SLC35E2B: variants seen among roughly 807,000 people sequenced by gnomAD.
SLC35E2B encodes solute carrier family 35, member E2B.
SLC35E2B carries 18 observed loss-of-function variants against 32.4 expected under a neutral mutation model. That is an observed-to-expected ratio of 0.56 (90% confidence interval 0.38 to 0.82). The LOEUF is 0.82. Among genes scored for constraint, SLC35E2B ranks in the 40% least tolerant of loss-of-function variants. SLC35E2B has a pLI of 0.00. For missense variants in SLC35E2B, 263 were observed against 469.5 expected (o/e 0.56, Z 4.06); for synonymous variants, 132 against 209.1 (o/e 0.63, Z 3.18).
chr1:1,692,097 C>T (rs1208355300), intron 1 of SLC35E2B, among the ~76,000 whole-genome samples: 1 of 94,472 alleles, frequency 1.1e-5, no homozygotes, highest in East Asian at 2.7e-4. Context: ...CCGAACGGGG[C>T]TCGGCTGTCG....
chr1:1,665,736 G>A lies in SLC35E2B; in HGVS notation c.*46C>T, dbSNP rs914047291. 2.1e-5 allele frequency: 33 copies of A among 1,540,514 alleles called. No homozygotes were observed. In the African/African-American group the frequency reaches 4.4e-4, roughly 20 times the overall value. On this transcript the variant is annotated 3_prime_UTR_variant, in exon 10 of 10. Coordinates refer to ENST00000617444, the MANE Select transcript of SLC35E2B (RefSeq NM_001290264.2). ...GGAGGGCGTCCCTGCCCATTTCTGG[G>A]GGATGCAGTGTCACGAGGACAGCAG...
chr1:1,689,015 C>T (rs1011388113), intron 2 of SLC35E2B, among the ~76,000 whole-genome samples: 1 of 151,906 alleles, frequency 6.6e-6, no homozygotes, highest in African/African-American at 2.4e-5. Context: ...ACCAAAAATA[C>T]AAAAAACTTA....
intron 2 of SLC35E2B, among the ~76,000 whole-genome samples, chr1:1,684,243 G>A (rs1453018587): frequency 6.6e-6 from 1 of 152,212 alleles, no homozygotes; most frequent in African/African-American, 2.4e-5. Context: ...CCACATCAGT[G>A]ACATTTGGGC....
In SLC35E2B at chr1:1,692,570, G is replaced by C; in HGVS notation, c.-687C>G. On this transcript the variant is annotated 5_prime_UTR_variant, in exon 1 of 10. Transcript: ENST00000617444. ...GTGGAGGGGCCGGGCGCGAGGCCGC[G>C]GAGACAGCTCGGAGCTCGGCACTGG... 1.0e-6 allele frequency: 1 copy of C among 985,758 alleles called. No individual in the cohort carries two copies. Among genetic ancestry groups the C allele is most frequent in the Non-Finnish European group, 1.2e-6 (1 of 830,360 alleles). The allele number at this position is 985,758 out of a possible 1,614,324, so 61.1% of individuals were successfully genotyped here.
intron 2 of SLC35E2B, among the ~76,000 whole-genome samples, chr1:1,679,010 T>C (rs893418333): frequency 1.3e-5 from 2 of 152,084 alleles, no homozygotes; most frequent in Non-Finnish European, 2.9e-5. Flanking sequence ...ATGGCAGGCG[T>C]GGATCTCACT....
chr1:1,666,828 G>T (rs1449409027), intron 9 of SLC35E2B, among the ~76,000 whole-genome samples: 1 of 151,790 alleles, frequency 6.6e-6, no homozygotes, highest in African/African-American at 2.4e-5. Flanking sequence ...TGTGGAGGCC[G>T]GGCGCCGTGG....
intron 2 of SLC35E2B, among the ~76,000 whole-genome samples, chr1:1,686,630 G>C (rs926541028): frequency 5.7e-4 from 87 of 151,824 alleles, no homozygotes; most frequent in African/African-American, 2.1e-3. Flanking sequence ...GCTGGGTGCA[G>C]TGGCATGCGC....
intron 2 of SLC35E2B, among the ~76,000 whole-genome samples, chr1:1,689,814 C>T (rs1170223750): frequency 6.6e-6 from 1 of 150,786 alleles, no homozygotes; most frequent in African/African-American, 2.4e-5. Flanking sequence ...TGGTGAAACC[C>T]TGTTTCTACT....
At chr1:1,673,359 G>A (rs972894790) in intron 5 of SLC35E2B, 6 of 459,334 alleles carry the variant, frequency 1.3e-5, no homozygotes, top group South Asian at 1.6e-5. Context: ...GAGGGAAACT[G>A]AAGTTGGTGG....
intron 9 of SLC35E2B, 38 bp from the exon 10 acceptor site, chr1:1,666,057 CT>C: frequency 6.5e-7 from 1 of 1,532,096 alleles, no homozygotes; most frequent in Non-Finnish European, 8.8e-7. Context: ...GCGCTCAGGG[CT>C]ATGGTCTCCT....
At chr1:1,673,078 T>C (rs374320878) in intron 5 of SLC35E2B, 10 of 166,640 alleles carry the variant, frequency 6.0e-5, no homozygotes, top group African/African-American at 2.4e-4. Flanking sequence ...TTTTTAGGAT[T>C]GCTTTTTAAA....
At chr1:1,680,058 C>T (rs368079049) in intron 2 of SLC35E2B, among the ~76,000 whole-genome samples, 9 of 150,884 alleles carry the variant, frequency 6.0e-5, no homozygotes, top group African/African-American at 9.8e-5. Context: ...ACCCGGGAGG[C>T]GGAGGTTGCG....
At chr1:1,684,810 A>AAAC (rs1643932387) in intron 2 of SLC35E2B, among the ~76,000 whole-genome samples, 2 of 147,222 alleles carry the variant, frequency 1.4e-5, no homozygotes, top group African/African-American at 2.5e-5. Flanking sequence ...AAAAAAAAAA[A>AAAC]AAAACAGGAC....
chr1:1,680,770 G>A (rs1643893754), intron 2 of SLC35E2B, among the ~76,000 whole-genome samples: 1 of 151,050 alleles, frequency 6.6e-6, no homozygotes, highest in Non-Finnish European at 1.5e-5. Context: ...GTAAACACCT[G>A]TCCCTGCGTA....
intron 2 of SLC35E2B, 87 bp downstream of exon 2, chr1:1,690,889 C>CA (rs1349832378): frequency 8.2e-4 from 18 of 21,982 alleles, no homozygotes; most frequent in African/African-American, 4.6e-3. Context: ...AAGCGATTCA[C>CA]AGAGGACAAT....
chr1:1,685,451 C>T (rs1340955367), intron 2 of SLC35E2B, among the ~76,000 whole-genome samples: 1 of 146,528 alleles, frequency 6.8e-6, no homozygotes, highest in Non-Finnish European at 1.5e-5. Context: ...AAAAGAAATA[C>T]AGGAAGGATA....
At chr1:1,681,922 T>C (rs560096992) in intron 2 of SLC35E2B, among the ~76,000 whole-genome samples, 3 of 133,714 alleles carry the variant, frequency 2.2e-5, no homozygotes, top group Admixed American at 1.7e-4. Flanking sequence ...GAGGTGGAGC[T>C]TGCAGCGAGC....
intron 7 of SLC35E2B, 36 bp downstream of exon 7, chr1:1,670,062 T>C: frequency 6.6e-7 from 1 of 1,518,368 alleles, no homozygotes; most frequent in Non-Finnish European, 9.0e-7. Flanking sequence ...CTCTTCGTCT[T>C]ATGACTTGGA....
intron 2 of SLC35E2B, among the ~76,000 whole-genome samples, chr1:1,682,654 G>C (rs1318902856): frequency 6.6e-6 from 1 of 152,128 alleles, no homozygotes; most frequent in African/African-American, 2.4e-5. Flanking sequence ...CTCGGGGACG[G>C]GCCCCAGGGG....
Sources: gnomAD v4.1 joint callset for allele counts (sites outside exome capture counted in the v4.1 genomes callset) on GRCh38, gnomAD v4.1.1 for gene constraint, MANE v1.5 for transcripts, NCBI Gene and HGNC (gene_info 2026-07-23, HGNC 2026-07-21) for gene names.